ZFYVE26: variants seen among roughly 807,000 people sequenced by gnomAD.
ZFYVE26 encodes the protein zinc finger FYVE-type containing 26.
In ZFYVE26, 181 loss-of-function variants were observed where a neutral mutation model predicts 276.5. That is an observed-to-expected ratio of 0.65 (90% CI 0.58 to 0.74). ZFYVE26 has a LOEUF of 0.74. ZFYVE26 is among the 30% of genes least tolerant of loss of function. ZFYVE26 has a pLI of 0.00. For synonymous variants in ZFYVE26, 1,129 were observed against 1,203.1 expected, an observed-to-expected ratio of 0.94 and a Z score of 1.27; for missense variants, 2,821 against 3,097.9, an observed-to-expected ratio of 0.91 and a Z score of 2.12.
chr14:67,773,545 A>AAAAAT, intron 27 of ZFYVE26, among the ~76,000 whole-genome samples: 1 of 124,714 alleles, frequency 8.0e-6, no homozygotes, highest in South Asian at 2.9e-4. Context: ...AAAAAAAAAA[A>AAAAAT]AAAAGGCGCA....
intron 10 of ZFYVE26, among the ~76,000 whole-genome samples, chr14:67,801,270 C>T (rs1594933212): frequency 6.6e-6 from 1 of 151,756 alleles, no homozygotes; most frequent in Admixed American, 6.6e-5. Context: ...AAAAAAAGTA[C>T]AGCTTACTGA....
intron 6 of ZFYVE26, 136 bp from the exon 7 acceptor site, chr14:67,805,754 C>T (rs2040167938): frequency 6.7e-6 from 7 of 1,041,210 alleles, no homozygotes; most frequent in African/African-American, 3.1e-5. Context: ...GTTGGCTGGG[C>T]GTAGTGGCTC....
At chr14:67,784,814 T>G (rs780813845) in intron 19 of ZFYVE26, among the ~76,000 whole-genome samples, 2 of 152,226 alleles carry the variant, frequency 1.3e-5, no homozygotes, top group African/African-American at 2.4e-5. Flanking sequence ...ACCACAGGTC[T>G]GACAGAGATA....
In ZFYVE26 at chr14:67,768,458, A is replaced by T. The variant is rs1471763332; in HGVS notation, c.5653+59T>A. On this transcript the variant is annotated intron_variant, in intron 30 of 41. Transcript: ENST00000347230. ...ATATCAGTCACAGCTGATATGCTGA[A>T]GATAGAGTCAACTTAAGTACACAAA... 2.5e-6 allele frequency: 4 copies of T among 1,571,468 alleles called. No individual in the cohort carries two copies. The African/African-American group carries it at 4.1e-5, about 16-fold the overall frequency.
chr14:67,729,444 GCTGTTCA>G, exon 14 of ZFYVE26: 2 of 1,514,300 alleles, frequency 1.3e-6, no homozygotes, highest in Non-Finnish European at 1.8e-6. Context: ...GACTCGCTGG[GCTGTTCA>G]TCCTGAGAAG....
At chr14:67,803,604 A>G (rs2040120800) in intron 9 of ZFYVE26, among the ~76,000 whole-genome samples, 1 of 152,160 alleles carries the variant, frequency 6.6e-6, no homozygotes, top group African/African-American at 2.4e-5. Context: ...CGGCCTCCCA[A>G]AGTGCTGGGA....
At position 67,748,574 on chromosome 14, in the gene ZFYVE26, G is replaced by C; in HGVS notation, c.7482C>G (p.His2494Gln). The change falls in exon 42 of 42, where the codon CAC becomes CAG. Residue 2494 changes from histidine to glutamine, a missense_variant. Physicochemically the swap from His to Gln is conservative, Grantham distance 24. Transcript: ENST00000347230. The part of the protein sequence containing the change: ...SAYLIAVKQE[H>Q]SRATALVQQV... ...GCTGGACAAGGGCTGTGGCCCGTGA[G>C]TGTTCTTGCTTCACAGCAATCAAGT... The C allele has an allele frequency of 6.2e-7, 1 of 1,614,188 alleles. No homozygotes were observed. Among genetic ancestry groups the C allele is most frequent in the Non-Finnish European group, 8.5e-7 (1 of 1,180,038 alleles).
chr14:67,745,566 T>G (rs1338562124), downstream of ZFYVE26, among the ~76,000 whole-genome samples: 2 of 151,978 alleles, frequency 1.3e-5, no homozygotes, highest in Non-Finnish European at 2.9e-5. Context: ...GGCTCAAGTA[T>G]CATACTGCAA....
chr14:67,735,244 C>G, intron 13 of ZFYVE26: 8 of 1,310,330 alleles, frequency 6.1e-6, no homozygotes, highest in Non-Finnish European at 8.8e-6. Flanking sequence ...CCACGAGACA[C>G]AGCCTCCCTC....
chr14:67,784,193 G>T (rs2039587840), intron 20 of ZFYVE26, 141 bp downstream of exon 20: 2 of 767,246 alleles, frequency 2.6e-6, no homozygotes, highest in Non-Finnish European at 4.6e-6. Flanking sequence ...TAAATTTTCA[G>T]TTATATAAGA....
Position 67,761,431 on chromosome 14 carries a change from C to G in ZFYVE26, c.6523G>C (p.Ala2175Pro). ...TGCCTCACGTAGAAGCTGATGATGG[C>G]CAGGTTGGTGCTATAGTTGTGCAGG... ...FYLHNYSTNL[A>P]IISFYVRHSC... The change falls in exon 35 of 42, where the codon GCC (alanine) becomes CCC (proline). Residue 2175 changes from alanine (A) to proline (P), a missense_variant. Ala to Pro is a conservative substitution (Grantham distance 27). Transcript: ENST00000347230. 2.5e-6 allele frequency: 4 copies of G among 1,614,074 alleles called. No individual in the cohort carries two copies. Among genetic ancestry groups the G allele is most frequent in the Non-Finnish European group, 3.4e-6 (4 of 1,179,986 alleles).
chr14:67,762,873 T>A, intron 32 of ZFYVE26, 54 bp from the exon 33 acceptor site: 2 of 1,607,206 alleles, frequency 1.2e-6, no homozygotes, highest in South Asian at 2.2e-5. Context: ...TTACTAAGAG[T>A]AGCCGCTTAA....
chr14:67,736,863 GGT>G (rs889299246), intron 13 of ZFYVE26, among the ~76,000 whole-genome samples: 7 of 152,098 alleles, frequency 4.6e-5, no homozygotes, highest in Non-Finnish European at 8.8e-5. Flanking sequence ...TAAAGGGTTA[GGT>G]GATCCTGTTC....
intron 18 of ZFYVE26, 134 bp downstream of exon 18, chr14:67,785,724 G>T: frequency 8.3e-7 from 1 of 1,202,182 alleles, no homozygotes; most frequent in Non-Finnish European, 1.2e-6. Context: ...ATTGAGACAT[G>T]CCCTGGCTAA....
In ZFYVE26 at chr14:67,804,204, C is replaced by G. The variant is rs373043055; in HGVS notation, c.1332G>C (p.Val444=). The change falls in exon 9 of 42, where the codon GTG becomes GTC. Residue 444 remains valine, a synonymous_variant. Transcript: ENST00000347230. The part of the protein sequence containing the change: ...YHLHGGDSHS[V]LYTLHHLTNL... ...TTGTAAGGTGATGGAGAGTGTAGAGCACTGAGTGGCTGTCTCCACCGTGTA... is the reference window on the plus strand; with the variant it reads ...TTGTAAGGTGATGGAGAGTGTAGAGGACTGAGTGGCTGTCTCCACCGTGTA... 1.2e-6 allele frequency: 2 copies of G among 1,614,052 alleles called. No individual in the cohort carries two copies. Among genetic ancestry groups the G allele is most frequent in the Admixed American group, 1.7e-5 (1 of 60,002 alleles).
chr14:67,802,094 A>G lies in ZFYVE26; in HGVS notation c.1624T>C (p.Ser542Pro), dbSNP rs2040088495. 1 of 1,612,968 alleles carries G rather than the reference A, an allele frequency of 6.2e-7. No homozygotes were observed. Among genetic ancestry groups the G allele is most frequent in the South Asian group, 1.1e-5 (1 of 91,020 alleles). The change falls in exon 10 of 42, where the codon TCT (serine) becomes CCT (proline). Residue 542 changes from serine to proline, a missense_variant. Ser to Pro is a moderately conservative substitution (Grantham distance 74). Coordinates refer to ENST00000347230, the MANE Select transcript of ZFYVE26 (RefSeq NM_015346.4). ...LASATEPAND[S>P]LSSPGAANLF... Reference sequence around the variant, plus strand: ...AGTGCTGTACCTGGGGAGGAGAGAGAGTCATTCGCTGGCTCTGTAGCTGAG... The same window carrying G: ...AGTGCTGTACCTGGGGAGGAGAGAGGGTCATTCGCTGGCTCTGTAGCTGAG...
intron 16 of ZFYVE26, among the ~76,000 whole-genome samples, chr14:67,788,302 T>C (rs937556839): frequency 6.6e-6 from 1 of 152,144 alleles, no homozygotes; most frequent in Non-Finnish European, 1.5e-5. Flanking sequence ...GGCAGGAGAA[T>C]CGCTTGAACC....
Position 67,802,229 on chromosome 14 carries a change from G to A in ZFYVE26, c.1489C>T (p.Leu497Phe). 1.2e-6 allele frequency: 2 copies of A among 1,614,224 alleles called. No individual in the cohort carries two copies. Among genetic ancestry groups the A allele is most frequent in the East Asian group, 2.2e-5 (1 of 44,892 alleles). Residue 497 changes from leucine to phenylalanine, a missense_variant, in exon 10 of 42, where the codon CTC (leucine) becomes TTC (phenylalanine). By Grantham distance (22) the Leu-to-Phe change is conservative. Coordinates refer to ENST00000347230, the MANE Select transcript of ZFYVE26 (RefSeq NM_015346.4). ...TTCATGGCACAGAAGCCCTGGTAGA[G>A]TGTCAGGTTCTGACACTGGCTCAGG... is the stretch of plus-strand genomic sequence containing the variant. ...EHLSQCQNLT[L>F]YQGFCAMKYA...
chr14:67,759,693 T>C (rs1309353059), intron 35 of ZFYVE26, among the ~76,000 whole-genome samples: 2 of 150,952 alleles, frequency 1.3e-5, no homozygotes, highest in Non-Finnish European at 2.9e-5. Context: ...GAATGTAAGG[T>C]ACACATAGGA....
Sources: gnomAD v4.1 joint callset for allele counts (sites outside exome capture counted in the v4.1 genomes callset) on GRCh38, gnomAD v4.1.1 for gene constraint, MANE v1.5 for transcripts, NCBI Gene and HGNC (gene_info 2026-07-23, HGNC 2026-07-21) for gene names.